HIVEP3: variants seen among roughly 807,000 people sequenced by gnomAD.
The protein encoded by HIVEP3 is transcription factor HIVEP3.
In HIVEP3, 49 loss-of-function variants were observed where a neutral mutation model predicts 152.8. That is an observed-to-expected ratio of 0.32 (90% CI 0.26 to 0.41). The LOEUF (loss-of-function observed/expected upper bound fraction) is 0.41. Among genes scored for constraint, HIVEP3 ranks in the 10% least tolerant of loss-of-function variants. HIVEP3 has a pLI of 1.00. For synonymous variants in HIVEP3, 1,269 were observed against 1,289.0 expected, an observed-to-expected ratio of 0.98 and a Z score of 0.33; for missense variants, 2,790 against 3,103.3, an observed-to-expected ratio of 0.90 and a Z score of 2.40.
chr1:41,651,627 G>A (rs972323621), intron 2 of HIVEP3, among the ~76,000 whole-genome samples: 1 of 152,152 alleles, frequency 6.6e-6, no homozygotes, highest in African/African-American at 2.4e-5. Context: ...GAGTAGCTGT[G>A]GATTTTGGAA....
intron 1 of HIVEP3, among the ~76,000 whole-genome samples, chr1:41,825,788 TG>T (rs556359944): frequency 2.3e-4 from 35 of 151,914 alleles, no homozygotes; most frequent in Non-Finnish European, 4.0e-4. Flanking sequence ...TGTATTTTTT[TG>T]TAGAGACGGG....
chr1:41,557,360 G>A (rs1051723519), intron 5 of HIVEP3, among the ~76,000 whole-genome samples: 3 of 152,198 alleles, frequency 2.0e-5, no homozygotes, highest in African/African-American at 7.2e-5. Flanking sequence ...CACAAGTTCA[G>A]AGGGACACAG....
At chr1:41,771,626 C>T (rs1648376187) in intron 1 of HIVEP3, among the ~76,000 whole-genome samples, 1 of 152,056 alleles carries the variant, frequency 6.6e-6, no homozygotes, top group Non-Finnish European at 1.5e-5. Context: ...TTGACTGTTG[C>T]TCTCAGGAAC....
chr1:41,951,167 A>G (rs996634199), intron 1 of HIVEP3, among the ~76,000 whole-genome samples: 2 of 152,256 alleles, frequency 1.3e-5, no homozygotes, highest in Non-Finnish European at 2.9e-5. Context: ...TACTGAAAGA[A>G]GAAGGGGGCA....
chr1:41,630,156 T>C (rs988657214), intron 2 of HIVEP3, among the ~76,000 whole-genome samples: 1 of 152,190 alleles, frequency 6.6e-6, no homozygotes, highest in East Asian at 1.9e-4. Flanking sequence ...GCCATTATCC[T>C]AAGAGAATTA....
chr1:42,028,018 C>T (rs764883459), intron 1 of HIVEP3, among the ~76,000 whole-genome samples: 3 of 152,160 alleles, frequency 2.0e-5, no homozygotes, highest in Non-Finnish European at 2.9e-5. Flanking sequence ...TTCTTCATGG[C>T]TTACTTTTTC....
At chr1:41,974,385 C>G (rs1322266043) in intron 1 of HIVEP3, among the ~76,000 whole-genome samples, 1 of 151,822 alleles carries the variant, frequency 6.6e-6, no homozygotes, top group African/African-American at 2.4e-5. Flanking sequence ...AACACTTCCT[C>G]TAAGCTGGCT....
chr1:41,513,831 A>C (rs1433514127), intron 7 of HIVEP3, 81 bp from the exon 8 acceptor site: 1 of 1,229,628 alleles, frequency 8.1e-7, no homozygotes. Context: ...TCTGAGCCCC[A>C]GTTTCCTTGC....
chr1:41,529,239 C>A (rs1229214933), intron 5 of HIVEP3, among the ~76,000 whole-genome samples: 5 of 143,834 alleles, frequency 3.5e-5, no homozygotes, highest in African/African-American at 1.3e-4. Context: ...CATGCTCACA[C>A]CCCCACTCAC....
chr1:41,753,144 G>A (rs1647191655), intron 1 of HIVEP3, among the ~76,000 whole-genome samples: 1 of 152,196 alleles, frequency 6.6e-6, no homozygotes, highest in South Asian at 2.1e-4. Flanking sequence ...ACAAGACCCA[G>A]CATTGGTGGG....
At chr1:41,641,662 C>T (rs1176845508) in intron 2 of HIVEP3, among the ~76,000 whole-genome samples, 4 of 152,184 alleles carry the variant, frequency 2.6e-5, no homozygotes, top group Non-Finnish European at 5.9e-5. Flanking sequence ...GCTCTGGTTT[C>T]GAGTCGGTGA....
upstream of HIVEP3, among the ~76,000 whole-genome samples, chr1:41,920,414 G>A (rs1644932256): frequency 6.6e-6 from 1 of 152,160 alleles, no homozygotes; most frequent in South Asian, 2.1e-4. Context: ...GCTGCGAGGG[G>A]ATGGTGAAGG....
In HIVEP3 at chr1:41,690,588, C is replaced by G. The variant is rs151158394; in HGVS notation, c.-721+10328G>C. ...AGCATCTCCAGAGCCCTGTGCCAGG[C>G]TTGGGACTGAGTACACTTACATATT... is the stretch of plus-strand genomic sequence containing the variant. On this transcript the variant is annotated intron_variant, in intron 2 of 8. Transcript: ENST00000372583. Among the ~76,000 whole-genome samples the G allele has an allele frequency of 5.3e-3, 805 of 152,310 alleles. 6 individuals carry two copies. The highest frequency in any genetic ancestry group is 0.019 in the African/African-American group (772 of 41,572).
chr1:41,514,355 A>G (rs1028072447), intron 7 of HIVEP3, among the ~76,000 whole-genome samples: 1 of 152,236 alleles, frequency 6.6e-6, no homozygotes, highest in African/African-American at 2.4e-5. Context: ...ATATTAATAC[A>G]TTAATGATGA....
upstream of HIVEP3, among the ~76,000 whole-genome samples, chr1:41,922,212 A>G (rs188319054): frequency 1.4e-4 from 22 of 152,354 alleles, no homozygotes; most frequent in East Asian, 4.0e-3. Flanking sequence ...GCAAAGACAA[A>G]CAATGACAAG....
At chr1:41,601,878 T>C (rs1644752852) in intron 3 of HIVEP3, among the ~76,000 whole-genome samples, 4 of 152,186 alleles carry the variant, frequency 2.6e-5, no homozygotes, top group Admixed American at 2.6e-4. Flanking sequence ...AGCTGTAAGC[T>C]TGTTATATAT....
At chr1:41,767,446 T>C (rs886452213) in intron 1 of HIVEP3, among the ~76,000 whole-genome samples, 1 of 152,134 alleles carries the variant, frequency 6.6e-6, no homozygotes, top group Non-Finnish European at 1.5e-5. Flanking sequence ...GTGGTTGACC[T>C]GTGAGCAGCT....
chr1:41,624,024 G>A (rs1193672529), intron 3 of HIVEP3, among the ~76,000 whole-genome samples: 1 of 152,208 alleles, frequency 6.6e-6, no homozygotes, highest in Non-Finnish European at 1.5e-5. Flanking sequence ...CCCAGGAGCT[G>A]AGTTTGCTCA....
chr1:41,765,584 T>C (rs1163503625), intron 1 of HIVEP3, among the ~76,000 whole-genome samples: 2 of 152,224 alleles, frequency 1.3e-5, no homozygotes, highest in African/African-American at 4.8e-5. Context: ...TGTTGATTTA[T>C]TTTGTATTTG....
Sources: gnomAD v4.1 joint callset for allele counts (sites outside exome capture counted in the v4.1 genomes callset) on GRCh38, gnomAD v4.1.1 for gene constraint, MANE v1.5 for transcripts, NCBI Gene and HGNC (gene_info 2026-07-23, HGNC 2026-07-21) for gene names.